GAB1: variants seen among roughly 807,000 people sequenced by gnomAD.
The protein encoded by GAB1 is GRB2-associated-binding protein 1.
In GAB1, 19 loss-of-function variants were observed where a neutral mutation model predicts 66.5. The ratio of observed to expected loss-of-function variants is 0.29; its 90% CI spans 0.20 to 0.42. The LOEUF is 0.42. Among genes scored for constraint, GAB1 ranks in the 10% least tolerant of loss-of-function variants. GAB1 has a pLI of 1.00. For synonymous variants in GAB1, 294 were observed against 301.4 expected (o/e 0.98, Z 0.25); for missense variants, 732 against 858.5 (o/e 0.85, Z 1.84).
intron 3 of GAB1, among the ~76,000 whole-genome samples, chr4:143,435,641 A>G (rs575623753): frequency 1.3e-5 from 2 of 152,330 alleles, no homozygotes; most frequent in African/African-American, 4.8e-5. Flanking sequence ...GGTAACCACT[A>G]TGTGCCCAAT....
At chr4:143,440,906 G>A (rs1039624965) in intron 6 of GAB1, among the ~76,000 whole-genome samples, 1 of 152,192 alleles carries the variant, frequency 6.6e-6, no homozygotes, top group Non-Finnish European at 1.5e-5. Context: ...ATGGCCTTCA[G>A]CTGCTATTTA....
chr4:143,445,171 G>C (rs1285922205), intron 6 of GAB1, among the ~76,000 whole-genome samples: 2 of 152,190 alleles, frequency 1.3e-5, no homozygotes, highest in African/African-American at 2.4e-5. Context: ...TCTCCAAACT[G>C]CTTTCCACAG....
At chr4:143,408,395 C>G (rs546634325) in intron 1 of GAB1, among the ~76,000 whole-genome samples, 1 of 152,220 alleles carries the variant, frequency 6.6e-6, no homozygotes, top group South Asian at 2.1e-4. Context: ...TCAGAGTTAA[C>G]AACTTAGTAT....
At chr4:143,356,870 AT>A (rs1729466686) in intron 1 of GAB1, among the ~76,000 whole-genome samples, 1 of 152,182 alleles carries the variant, frequency 6.6e-6, no homozygotes, top group Non-Finnish European at 1.5e-5. Context: ...GAGGGGAAAG[AT>A]TTTAGATGAT....
intron 1 of GAB1, chr4:143,380,698 G>A (rs1365331147): frequency 6.6e-6 from 1 of 152,188 alleles, no homozygotes; most frequent in Admixed American, 6.6e-5. Flanking sequence ...TGGGATTACA[G>A]GCTTGAGCCA....
chr4:143,440,186 T>C lies in GAB1; in HGVS notation c.1389T>C (p.Phe463=). Residue 463 remains phenylalanine (F), a synonymous_variant, in exon 6 of 10, where the codon TTT becomes TTC. Coordinates refer to ENST00000262994, the MANE Select transcript of GAB1 (RefSeq NM_002039.4). ...NSPPRQHSSS[F]TEPIQEANYV... Reference sequence around the variant, plus strand: ...CACCACGACAACATTCCAGCAGTTTTACAGAACCAATTCAGGAAGCAAATT... The same window carrying C: ...CACCACGACAACATTCCAGCAGTTTCACAGAACCAATTCAGGAAGCAAATT... 6.2e-7 allele frequency: 1 copy of C among 1,614,168 alleles called. No individual in the cohort carries two copies. The highest frequency in any genetic ancestry group is 8.5e-7 in the Non-Finnish European group (1 of 1,180,024).
intron 1 of GAB1, among the ~76,000 whole-genome samples, chr4:143,354,363 A>G (rs79595614): frequency 6.6e-6 from 1 of 151,874 alleles, no homozygotes; most frequent in African/African-American, 2.4e-5. Flanking sequence ...GGTGTTTCCA[A>G]TGAATATTTA....
chr4:143,404,811 TTTAAA>T (rs1731958301), intron 1 of GAB1, among the ~76,000 whole-genome samples: 2 of 152,184 alleles, frequency 1.3e-5, no homozygotes, highest in East Asian at 3.9e-4. Context: ...TGTGGCTAAA[TTTAAA>T]TTAAATAAGT....
chr4:143,343,182 G>A (rs1390235548), intron 1 of GAB1, among the ~76,000 whole-genome samples: 2 of 152,116 alleles, frequency 1.3e-5, no homozygotes, highest in Non-Finnish European at 2.9e-5. Context: ...ATCTTCAGCA[G>A]AAGCCCTGTT....
intron 6 of GAB1, among the ~76,000 whole-genome samples, chr4:143,458,358 A>T (rs1424516589): frequency 6.6e-6 from 1 of 152,108 alleles, no homozygotes; most frequent in Non-Finnish European, 1.5e-5. Flanking sequence ...TATGAGCCTC[A>T]ATGCGTATGG....
chr4:143,352,479 T>C (rs950188128), intron 1 of GAB1, among the ~76,000 whole-genome samples: 1 of 152,236 alleles, frequency 6.6e-6, no homozygotes, highest in Non-Finnish European at 1.5e-5. Flanking sequence ...AAGATACTTA[T>C]AGCTTGGCAG....
intron 1 of GAB1, among the ~76,000 whole-genome samples, chr4:143,373,857 G>GAAATAAA (rs1730270674): frequency 3.7e-5 from 2 of 53,834 alleles, no homozygotes; most frequent in Admixed American, 1.7e-4. Context: ...CTCTCTCTCT[G>GAAATAAA]TAAATAAATA....
Position 143,460,001 on chromosome 4 carries a change from A to G in GAB1, c.1680-363A>G, listed in dbSNP as rs188783335. ...GAGGAATTTATGAAGTTACAAACCT[A>G]TGTTGAACATATGTTCATGTTTCGT... On this transcript the variant is annotated intron_variant, in intron 7 of 9. Transcript: ENST00000262994. 9.8e-4 allele frequency among the ~76,000 whole-genome samples: 149 copies of G among 151,914 alleles called. No homozygotes were observed. The East Asian group carries it at 0.017, about 17-fold the overall frequency.
At chr4:143,355,356 C>T (rs1729400668) in intron 1 of GAB1, among the ~76,000 whole-genome samples, 1 of 152,104 alleles carries the variant, frequency 6.6e-6, no homozygotes, top group Admixed American at 6.5e-5. Flanking sequence ...ATTTCCAGAG[C>T]CTTTTAGCTG....
intron 1 of GAB1, among the ~76,000 whole-genome samples, chr4:143,385,786 T>A (rs997307322): frequency 6.6e-6 from 1 of 152,172 alleles, no homozygotes; most frequent in African/African-American, 2.4e-5. Context: ...CAGCAAACAG[T>A]GGTCTGAGTG....
chr4:143,439,587 A>G (rs1389727554), intron 4 of GAB1: 4 of 473,012 alleles, frequency 8.5e-6, no homozygotes, highest in African/African-American at 7.7e-5. Context: ...AAAATTAGAT[A>G]TTGGTATTGG....
chr4:143,445,155 G>A (rs1214350044), intron 6 of GAB1, among the ~76,000 whole-genome samples: 1 of 152,154 alleles, frequency 6.6e-6, no homozygotes, highest in Non-Finnish European at 1.5e-5. Context: ...TAAGTTCTTT[G>A]AGAAGTCTCC....
Position 143,337,238 on chromosome 4 carries a change from C to T in GAB1, c.50C>T (p.Pro17Leu), listed in dbSNP as rs1228699835. The T allele has an allele frequency of 1.3e-6, 2 of 1,583,596 alleles. No homozygotes were observed. The change falls in exon 1 of 10, where the codon CCG (proline) becomes CTG (leucine). Residue 17 changes from proline (P) to leucine (L), a missense_variant. Transcript: ENST00000262994. The stretch of plus-strand genomic sequence containing the variant: ...TCCGGATGGCTCCGCAAGTCCCCCC[C>T]GGAGAAAAAGTTGAAGCGTTATGTA... ...VCSGWLRKSP[P>L]EKKLKRYAWK...
intron 8 of GAB1, among the ~76,000 whole-genome samples, 190 bp downstream of exon 8, chr4:143,460,677 G>T (rs541234891): frequency 6.6e-6 from 1 of 151,724 alleles, no homozygotes; most frequent in East Asian, 1.9e-4. Context: ...AAAGTAAACT[G>T]TAAATGAGTT....
Sources: allele counts gnomAD v4.1 joint callset (sites outside exome capture counted in the v4.1 genomes callset), GRCh38; gene constraint gnomAD v4.1.1; transcripts MANE v1.5; gene names NCBI Gene and HGNC (gene_info 2026-07-23, HGNC 2026-07-21).